Variants in TBCK observed in about 807,000 individuals in gnomAD.
TBCK encodes the protein TBC domain-containing protein kinase-like protein.
In TBCK, 99 loss-of-function variants were observed where a neutral mutation model predicts 113.4. That is an observed-to-expected ratio of 0.87 (90% confidence interval 0.74 to 1.03). The LOEUF (loss-of-function observed/expected upper bound fraction) is 1.03. TBCK is among the 50% of genes least tolerant of loss of function. The pLI is 0.00. For synonymous variants in TBCK, 369 were observed against 370.8 expected (o/e 1.00, Z 0.05); for missense variants, 1,045 against 1,061.3 (o/e 0.98, Z 0.21).
rs1246798097 is a variant in TBCK at position 106,230,443 on chromosome 4, A to C, written c.1694T>G (p.Leu565Trp). The C allele has an allele frequency of 1.9e-6, 3 of 1,594,658 alleles. No individual in the cohort carries two copies. In the Admixed American group the frequency reaches 5.0e-5, roughly 27 times the overall value. ...FLYLNFNNEA[L>W]AYACMSAFIP... ...AAAAGCAGACATACATGCATAAGCC[A>C]AGGCTAAAAGAGAATAAGGCAAAGG... is the stretch of plus-strand genomic sequence containing the variant. Residue 565 changes from leucine (L) to tryptophan (W), a missense_variant, in exon 19 of 26, where the codon TTG becomes TGG. Physicochemically the swap from Leu to Trp is moderately conservative, Grantham distance 61 (BLOSUM62 -2). Transcript: ENST00000394708.
intron 22 of TBCK, among the ~76,000 whole-genome samples, chr4:106,178,970 G>C (rs1560770795): frequency 6.6e-6 from 1 of 151,900 alleles, no homozygotes; most frequent in African/African-American, 2.4e-5. Flanking sequence ...CTGCTAAGCT[G>C]TATGTGTCCA....
At chr4:106,250,631 A>C (rs953947809) in intron 6 of TBCK, among the ~76,000 whole-genome samples, 153 bp from the exon 7 acceptor site, 12 of 152,074 alleles carry the variant, frequency 7.9e-5, no homozygotes, top group African/African-American at 2.7e-4. Context: ...TCCACTAAAG[A>C]AAAATTACTG....
intron 3 of TBCK, among the ~76,000 whole-genome samples, chr4:106,277,774 T>A (rs930461761): frequency 2.6e-5 from 4 of 152,186 alleles, no homozygotes; most frequent in Non-Finnish European, 5.9e-5. Flanking sequence ...ATGCATTTAG[T>A]TTATAAAAGT....
intron 2 of TBCK, among the ~76,000 whole-genome samples, chr4:106,296,563 T>C (rs1262382794): frequency 6.6e-6 from 1 of 152,110 alleles, no homozygotes; most frequent in Non-Finnish European, 1.5e-5. Context: ...AGATGGACAA[T>C]TGTGTTCAGG....
At chr4:106,057,416 A>G (rs1176366051) in intron 25 of TBCK, among the ~76,000 whole-genome samples, 1 of 151,820 alleles carries the variant, frequency 6.6e-6, no homozygotes, top group African/African-American at 2.4e-5. Flanking sequence ...TTTCCAAAAT[A>G]TAGCTGATAG....
chr4:106,180,034 T>C (rs928317255), intron 22 of TBCK, among the ~76,000 whole-genome samples: 1 of 152,100 alleles, frequency 6.6e-6, no homozygotes, highest in African/African-American at 2.4e-5. Flanking sequence ...AAATCTATTT[T>C]ATCTGATATA....
intron 1 of TBCK, among the ~76,000 whole-genome samples, chr4:106,313,404 T>C (rs920326608): frequency 1.3e-5 from 2 of 151,564 alleles, no homozygotes; most frequent in African/African-American, 2.4e-5. Flanking sequence ...TTAGAAGACA[T>C]GGAAGGATTG....
At chr4:106,191,891 C>T (rs577128796) in intron 22 of TBCK, among the ~76,000 whole-genome samples, 38 of 152,114 alleles carry the variant, frequency 2.5e-4, no homozygotes, top group South Asian at 6.2e-4. Context: ...GATATAGTGA[C>T]TAGAAAGGAT....
At chr4:106,081,242 T>G (rs1205531302) in intron 25 of TBCK, among the ~76,000 whole-genome samples, 1 of 152,176 alleles carries the variant, frequency 6.6e-6, no homozygotes. Context: ...ATATATTCAC[T>G]GCAGCACTAT....
At chr4:106,221,716 T>C (rs1005304366) in intron 19 of TBCK, among the ~76,000 whole-genome samples, 1 of 151,650 alleles carries the variant, frequency 6.6e-6, no homozygotes, top group South Asian at 2.1e-4. Flanking sequence ...AATGGAATCA[T>C]AGAATCTTGA....
intron 3 of TBCK, among the ~76,000 whole-genome samples, chr4:106,290,465 C>T (rs1482131717): frequency 6.6e-6 from 1 of 152,154 alleles, no homozygotes; most frequent in Non-Finnish European, 1.5e-5. Context: ...CATGAGCCAC[C>T]ACACCCGGCC....
chr4:106,101,211 A>G (rs1471609345), intron 24 of TBCK, among the ~76,000 whole-genome samples: 7 of 152,102 alleles, frequency 4.6e-5, no homozygotes, highest in Non-Finnish European at 1.0e-4. Context: ...GCACTCTAGG[A>G]ACTGGGGTCA....
intron 3 of TBCK, among the ~76,000 whole-genome samples, chr4:106,288,368 G>A (rs111750817): frequency 0.027 from 4,097 of 151,978 alleles, 179 homozygotes; most frequent in African/African-American, 0.094. Context: ...CACTCCAGCC[G>A]GGGCGACAAA....
intron 19 of TBCK, among the ~76,000 whole-genome samples, chr4:106,218,983 A>G (rs367826900): frequency 1.3e-5 from 2 of 152,042 alleles, no homozygotes; most frequent in Non-Finnish European, 2.9e-5. Context: ...ATGTCTAACA[A>G]TGATAGACTG....
intron 25 of TBCK, among the ~76,000 whole-genome samples, chr4:106,053,700 C>T (rs1264292028): frequency 1.3e-5 from 2 of 151,622 alleles, no homozygotes; most frequent in African/African-American, 4.8e-5. Context: ...TCCTCAACAT[C>T]TATTAGACAC....
At chr4:106,270,250 TC>T (rs1352583748) in intron 3 of TBCK, among the ~76,000 whole-genome samples, 23 of 152,196 alleles carry the variant, frequency 1.5e-4, no homozygotes, top group Admixed American at 1.3e-3. Flanking sequence ...AGAACCGTTT[TC>T]TAACTTCTCT....
chr4:106,216,783 G>C (rs1756990244), intron 19 of TBCK, among the ~76,000 whole-genome samples: 1 of 151,322 alleles, frequency 6.6e-6, no homozygotes. Flanking sequence ...AATTCTACCA[G>C]AGGTACAAGG....
intron 1 of TBCK, 101 bp from the exon 2 acceptor site, chr4:106,309,090 A>T (rs1767872956): frequency 1.5e-6 from 1 of 654,124 alleles, no homozygotes. Flanking sequence ...GCCAACCTGA[A>T]CACTTCACAG....
At chr4:106,195,856 G>C (rs1038166888) in intron 20 of TBCK, among the ~76,000 whole-genome samples, 74 of 152,056 alleles carry the variant, frequency 4.9e-4, no homozygotes, top group African/African-American at 1.8e-3. Context: ...CTCCATAAAT[G>C]TGTGAGCCAA....
Sources: gnomAD v4.1 joint callset for allele counts (sites outside exome capture counted in the v4.1 genomes callset) on GRCh38, gnomAD v4.1.1 for gene constraint, MANE v1.5 for transcripts, NCBI Gene and HGNC (gene_info 2026-07-23, HGNC 2026-07-21) for gene names.